Variants in SPOCK3 observed in about 807,000 individuals in gnomAD.
SPOCK3 encodes SPARC (osteonectin), cwcv and kazal like domains proteoglycan 3, also known as testican-3.
SPOCK3 carries 30 observed loss-of-function variants against 56.6 expected under a neutral mutation model. The ratio of observed to expected loss-of-function variants is 0.53; its 90% CI spans 0.40 to 0.72. The LOEUF (loss-of-function observed/expected upper bound fraction) is 0.72. SPOCK3 is among the 30% of genes least tolerant of loss of function. The pLI is 0.00. For missense variants in SPOCK3, 527 were observed against 530.0 expected, an observed-to-expected ratio of 0.99 and a Z score of 0.06; for synonymous variants, 196 against 183.3, an observed-to-expected ratio of 1.07 and a Z score of -0.56.
intron 3 of SPOCK3, among the ~76,000 whole-genome samples, chr4:167,010,402 C>T (rs1280180280): frequency 3.3e-5 from 5 of 151,294 alleles, no homozygotes; most frequent in Admixed American, 6.6e-5. Context: ...GCCTGTAGTC[C>T]CAGCTACTCA....
Position 167,034,742 on chromosome 4 carries a change from A to G in SPOCK3, c.235+27750T>C, listed in dbSNP as rs185725707. On this transcript the variant is annotated intron_variant, in intron 3 of 10. Transcript: ENST00000357545. Reference sequence around the variant, plus strand: ...TAGAAAAATCGTTGGAGGTTAATACATCTACATATAAAGCAATGTTAAATT... The same window carrying G: ...TAGAAAAATCGTTGGAGGTTAATACGTCTACATATAAAGCAATGTTAAATT... Among the ~76,000 whole-genome samples the G allele has an allele frequency of 1.2e-4, 18 of 152,300 alleles. No individual in the cohort carries two copies. In the East Asian group the frequency reaches 3.3e-3, roughly 28 times the overall value.
At chr4:167,134,395 G>T (rs577531023) in intron 2 of SPOCK3, among the ~76,000 whole-genome samples, 2 of 152,106 alleles carry the variant, frequency 1.3e-5, no homozygotes, top group South Asian at 4.1e-4. Flanking sequence ...ATTTGGGAGT[G>T]GAAGCGTTGT....
At chr4:167,067,149 T>C (rs1756233524) in intron 2 of SPOCK3, among the ~76,000 whole-genome samples, 1 of 151,806 alleles carries the variant, frequency 6.6e-6, no homozygotes, top group South Asian at 2.1e-4. Flanking sequence ...AAAAGAGTAA[T>C]ACTCAGGCAT....
At chr4:166,929,327 A>G (rs932431253) in intron 4 of SPOCK3, among the ~76,000 whole-genome samples, 17 of 152,312 alleles carry the variant, frequency 1.1e-4, no homozygotes, top group African/African-American at 4.1e-4. Flanking sequence ...GAGTAATTTG[A>G]TGATTTTCAT....
intron 4 of SPOCK3, among the ~76,000 whole-genome samples, chr4:166,941,896 G>T (rs1238954094): frequency 6.6e-6 from 1 of 152,096 alleles, no homozygotes; most frequent in African/African-American, 2.4e-5. Context: ...CCTAGCCAAA[G>T]CTTGAAGACA....
At chr4:167,155,973 A>C (rs1419680475) in intron 2 of SPOCK3, among the ~76,000 whole-genome samples, 1 of 152,180 alleles carries the variant, frequency 6.6e-6, no homozygotes, top group Admixed American at 6.5e-5. Context: ...GTATCTGAGA[A>C]CTTAAAGTAA....
At position 166,777,817 on chromosome 4, in the gene SPOCK3, G is replaced by A. The variant is rs558952663; in HGVS notation, c.709+14353C>T. ...TTAAATCCTAGCTCTACCATTTACTGTGTGACTTTGGGTTTTCCCTCTCAA... is the reference window on the plus strand; with the variant it reads ...TTAAATCCTAGCTCTACCATTTACTATGTGACTTTGGGTTTTCCCTCTCAA... On this transcript the variant is annotated intron_variant, in intron 7 of 10. Coordinates refer to ENST00000357545, the MANE Select transcript of SPOCK3 (RefSeq NM_001040159.2). 2.0e-5 allele frequency among the ~76,000 whole-genome samples: 3 copies of A among 152,264 alleles called. No homozygotes were observed. The East Asian group carries it at 5.8e-4, about 29-fold the overall frequency.
At chr4:167,108,971 ATAAATAT>A (rs1760447674) in intron 2 of SPOCK3, among the ~76,000 whole-genome samples, 1 of 67,726 alleles carries the variant, frequency 1.5e-5, no homozygotes, top group Admixed American at 2.4e-4. Flanking sequence ...ATATAAATAT[ATAAATAT>A]TATAAATATA....
chr4:167,109,232 A>G (rs1298261569), intron 2 of SPOCK3, among the ~76,000 whole-genome samples: 2 of 88,590 alleles, frequency 2.3e-5, no homozygotes, highest in Non-Finnish European at 3.9e-5. Context: ...TATATAATAT[A>G]TATTTAATAT....
chr4:167,099,249 T>C (rs1414530148), intron 2 of SPOCK3, among the ~76,000 whole-genome samples: 1 of 151,978 alleles, frequency 6.6e-6, no homozygotes, highest in Non-Finnish European at 1.5e-5. Context: ...ATTTTCTTCA[T>C]TTTTTAGTAG....
chr4:166,830,471 C>T (rs1025383965), intron 6 of SPOCK3, among the ~76,000 whole-genome samples: 1 of 152,212 alleles, frequency 6.6e-6, no homozygotes, highest in Non-Finnish European at 1.5e-5. Context: ...AAGTGCAGGG[C>T]GCAGTGTTTA....
intron 7 of SPOCK3, among the ~76,000 whole-genome samples, chr4:166,768,987 G>A (rs1738535371): frequency 6.6e-6 from 1 of 152,134 alleles, no homozygotes; most frequent in Admixed American, 6.5e-5. Flanking sequence ...ATCAGCTACT[G>A]AAGCTTGTGC....
chr4:167,177,360 A>G (rs1425203866), intron 2 of SPOCK3, among the ~76,000 whole-genome samples: 5 of 152,010 alleles, frequency 3.3e-5, no homozygotes, highest in Non-Finnish European at 5.9e-5. Flanking sequence ...TCATCATGAA[A>G]ACCTTATAAG....
At chr4:166,890,034 G>A (rs1391165297) in intron 5 of SPOCK3, among the ~76,000 whole-genome samples, 1 of 151,752 alleles carries the variant, frequency 6.6e-6, no homozygotes, top group Admixed American at 6.6e-5. Flanking sequence ...ACTTCCCATA[G>A]GTCTTACATT....
chr4:166,818,170 A>T (rs1744569197), intron 6 of SPOCK3, among the ~76,000 whole-genome samples: 1 of 151,928 alleles, frequency 6.6e-6, no homozygotes, highest in Admixed American at 6.6e-5. Context: ...ACTTAACATA[A>T]TATTCCCCCG....
At chr4:166,944,834 A>C (rs1741525261) in intron 4 of SPOCK3, among the ~76,000 whole-genome samples, 1 of 152,152 alleles carries the variant, frequency 6.6e-6, no homozygotes, top group African/African-American at 2.4e-5. Flanking sequence ...TCTGTGGTTC[A>C]AAAGTATTTG....
At chr4:166,797,431 G>T (rs776083687) in intron 6 of SPOCK3, among the ~76,000 whole-genome samples, 5 of 150,704 alleles carry the variant, frequency 3.3e-5, no homozygotes, top group African/African-American at 7.3e-5. Context: ...TAATCTCAAA[G>T]AACTCTTTTG....
At chr4:167,039,784 G>A (rs1237481650) in intron 3 of SPOCK3, among the ~76,000 whole-genome samples, 1 of 152,092 alleles carries the variant, frequency 6.6e-6, no homozygotes, top group Non-Finnish European at 1.5e-5. Flanking sequence ...TATTTTAAAT[G>A]TATAGCGAAA....
At chr4:166,862,358 C>T (rs2126913713) in intron 6 of SPOCK3, among the ~76,000 whole-genome samples, 1 of 151,964 alleles carries the variant, frequency 6.6e-6, no homozygotes, top group Non-Finnish European at 1.5e-5. Flanking sequence ...ATGAAAAAGA[C>T]TTGAATGTAG....
Sources: allele counts gnomAD v4.1 joint callset (sites outside exome capture counted in the v4.1 genomes callset), GRCh38; gene constraint gnomAD v4.1.1; transcripts MANE v1.5; gene names NCBI Gene and HGNC (gene_info 2026-07-23, HGNC 2026-07-21).